The following NEBL variants were observed in gnomAD, a reference collection of about 807,000 sequenced individuals.
The protein encoded by NEBL is LIM and SH3 protein 2.
NEBL carries 122 observed loss-of-function variants against 140.2 expected under a neutral mutation model. That is an observed-to-expected ratio of 0.87 (90% CI 0.75 to 1.01). NEBL has a LOEUF of 1.01. Ranked by LOEUF, NEBL falls within the 50% of genes least tolerant of loss-of-function variation. The pLI is 0.00. For synonymous variants in NEBL, 436 were observed against 398.9 expected (o/e 1.09, Z -1.11); for missense variants, 1,365 against 1,231.3 (o/e 1.11, Z -1.62).
At chr10:20,949,095 A>C (rs780482862) in intron 4 of NEBL, among the ~76,000 whole-genome samples, 1 of 152,170 alleles carries the variant, frequency 6.6e-6, no homozygotes, top group African/African-American at 2.4e-5. Context: ...TTAAAATTCA[A>C]AAGTATTGAC....
intron 4 of NEBL, among the ~76,000 whole-genome samples, chr10:20,883,570 A>C (rs1846211847): frequency 6.6e-6 from 1 of 152,216 alleles, no homozygotes; most frequent in African/African-American, 2.4e-5. Context: ...CCAAGTCTAC[A>C]AAGCTAAGGA....
intron 2 of NEBL, among the ~76,000 whole-genome samples, chr10:21,128,708 A>G (rs572268892): frequency 2.0e-5 from 3 of 152,212 alleles, no homozygotes; most frequent in Non-Finnish European, 4.4e-5. Flanking sequence ...ACCTTTTCCA[A>G]ATCTCAACTC....
At chr10:20,819,747 C>G (rs1175394704) in intron 19 of NEBL, among the ~76,000 whole-genome samples, 1 of 152,002 alleles carries the variant, frequency 6.6e-6, no homozygotes, top group Non-Finnish European at 1.5e-5. Flanking sequence ...ATTTTTGAGA[C>G]AAGGTCTTGC....
chr10:21,067,222 C>T (rs1454992243), intron 2 of NEBL, among the ~76,000 whole-genome samples: 2 of 152,016 alleles, frequency 1.3e-5, no homozygotes, highest in Non-Finnish European at 2.9e-5. Flanking sequence ...CCGCCCACCT[C>T]GGCCTCCCAA....
intron 2 of NEBL, among the ~76,000 whole-genome samples, chr10:21,141,030 TC>T (rs1456667716): frequency 1.6e-5 from 2 of 128,046 alleles, no homozygotes; most frequent in African/African-American, 6.5e-5. Context: ...TGAGGAGACA[TC>T]AAATAAATAT....
chr10:21,128,378 G>A (rs1033101590), intron 2 of NEBL, among the ~76,000 whole-genome samples: 4 of 151,992 alleles, frequency 2.6e-5, no homozygotes, highest in African/African-American at 9.7e-5. Flanking sequence ...AGGAGAAGAG[G>A]CTCTCCAGAC....
Position 20,897,233 on chromosome 10 carries a change from TA to T in NEBL, c.-29del. On this transcript the variant is annotated 5_prime_UTR_variant, in exon 1 of 28. The change abolishes the stop of an existing upstream ORF in the 5' untranslated region. Coordinates refer to ENST00000377122, the MANE Select transcript of NEBL (RefSeq NM_006393.3). ...TTACCCTTTAAAATATTTATATTTT[TA>T]AAATTTACTCATGTGGCGTCCTTTT... 1.9e-6 allele frequency: 3 copies of T among 1,538,936 alleles called. No individual in the cohort carries two copies. Among genetic ancestry groups the T allele is most frequent in the Non-Finnish European group, 1.7e-6 (2 of 1,143,620 alleles).
At chr10:21,243,068 T>C (rs1303405572) in intron 3 of NEBL, among the ~76,000 whole-genome samples, 1 of 152,144 alleles carries the variant, frequency 6.6e-6, no homozygotes, top group African/African-American at 2.4e-5. Context: ...AAGGAATGCA[T>C]GATCAGGGAA....
chr10:21,075,244 G>A (rs1225058778), intron 2 of NEBL, among the ~76,000 whole-genome samples: 2 of 152,176 alleles, frequency 1.3e-5, no homozygotes, highest in East Asian at 1.9e-4. Context: ...ACCCAAGAAC[G>A]GCCCAGCAAG....
intron 17 of NEBL, 119 bp downstream of exon 17, chr10:20,828,411 T>C: frequency 1.5e-6 from 1 of 688,164 alleles, no homozygotes; most frequent in Non-Finnish European, 2.7e-6. Flanking sequence ...ATAAAGATAA[T>C]ACACTTGACA....
At chr10:21,169,805 A>G (rs1840995888) in intron 2 of NEBL, among the ~76,000 whole-genome samples, 1 of 152,234 alleles carries the variant, frequency 6.6e-6, no homozygotes, top group African/African-American at 2.4e-5. Flanking sequence ...TCAGAATTCA[A>G]CTTAAAACTA....
At chr10:20,978,075 G>T (rs149522882) in intron 3 of NEBL, among the ~76,000 whole-genome samples, 3 of 152,054 alleles carry the variant, frequency 2.0e-5, no homozygotes, top group Admixed American at 2.0e-4. Flanking sequence ...GGCTCCTAAC[G>T]CTTCAGGAAA....
At chr10:20,975,292 G>A (rs746573394) in intron 3 of NEBL, among the ~76,000 whole-genome samples, 1 of 152,148 alleles carries the variant, frequency 6.6e-6, no homozygotes, top group Non-Finnish European at 1.5e-5. Context: ...AGGTTGACAT[G>A]GATAAGTGTT....
At chr10:20,818,346 C>A (rs1838947904) in intron 20 of NEBL, among the ~76,000 whole-genome samples, 2 of 152,102 alleles carry the variant, frequency 1.3e-5, no homozygotes, top group Admixed American at 1.3e-4. Context: ...CTGACCTCCC[C>A]AAGACTCAGT....
chr10:21,286,529 A>G lies in NEBL; in HGVS notation n.182+6301T>C, dbSNP rs546313753. Among the ~76,000 whole-genome samples, 16 of 152,348 alleles carry G rather than the reference A, an allele frequency of 1.1e-4. No individual in the cohort carries two copies. In the South Asian group the frequency reaches 2.1e-3, roughly 20 times the overall value. On this transcript the variant is annotated intron_variant and non_coding_transcript_variant, in intron 1 of 8. Coordinates refer to the NEBL transcript ENST00000675702. ...TACCCCTGCTTTTGGCCTTTAGCAG[A>G]CTGGATTCAGACTATAGCTATAGCA... is the stretch of plus-strand genomic sequence containing the variant.
At chr10:21,155,615 A>T (rs1840308935) in intron 2 of NEBL, among the ~76,000 whole-genome samples, 1 of 152,208 alleles carries the variant, frequency 6.6e-6, no homozygotes, top group East Asian at 1.9e-4. Flanking sequence ...TAATAAGGTA[A>T]CATTTCAACT....
At chr10:20,826,750 C>T (rs951084848) in intron 17 of NEBL, among the ~76,000 whole-genome samples, 2 of 152,218 alleles carry the variant, frequency 1.3e-5, no homozygotes, top group Non-Finnish European at 2.9e-5. Flanking sequence ...AAATAACCCT[C>T]TCCTGCTCTA....
intron 2 of NEBL, among the ~76,000 whole-genome samples, chr10:21,065,148 G>C (rs1835478219): frequency 6.6e-6 from 1 of 151,978 alleles, no homozygotes; most frequent in Non-Finnish European, 1.5e-5. Flanking sequence ...TGGGTGTAAG[G>C]AACAAATGAA....
At chr10:20,807,534 A>T (rs1456777404) in intron 26 of NEBL, among the ~76,000 whole-genome samples, 2 of 152,234 alleles carry the variant, frequency 1.3e-5, no homozygotes, top group African/African-American at 2.4e-5. Context: ...AATAAATTTT[A>T]TTCCCATTAG....
Sources: gnomAD v4.1 joint callset for allele counts (sites outside exome capture counted in the v4.1 genomes callset) on GRCh38, gnomAD v4.1.1 for gene constraint, MANE v1.5 for transcripts, NCBI Gene and HGNC (gene_info 2026-07-23, HGNC 2026-07-21) for gene names.